The following RBPMS variants were observed in gnomAD, a reference collection of about 807,000 sequenced individuals.
RBPMS encodes the protein RNA-binding protein with multiple splicing.
In RBPMS, 7 loss-of-function variants were observed where a neutral mutation model predicts 26.8. The observed-to-expected ratio is 0.26, with a 90% CI of 0.15 to 0.49. The LOEUF (loss-of-function observed/expected upper bound fraction) is 0.49, where lower values mean the gene tolerates loss of function less well. Among genes scored for constraint, RBPMS ranks in the 20% least tolerant of loss-of-function variants. RBPMS has a pLI of 0.98. For missense variants in RBPMS, 186 were observed against 250.0 expected, an observed-to-expected ratio of 0.74 and a Z score of 1.73; for synonymous variants, 96 against 93.3, an observed-to-expected ratio of 1.03 and a Z score of -0.17.
intron 1 of RBPMS, among the ~76,000 whole-genome samples, chr8:30,408,726 C>T (rs941001886): frequency 6.6e-6 from 1 of 152,082 alleles, no homozygotes; most frequent in African/African-American, 2.4e-5. Flanking sequence ...TCTTAAAATT[C>T]GAGTTAAAAA....
Position 30,437,286 on chromosome 8 carries a change from T to C in RBPMS, c.67-37493T>C, listed in dbSNP as rs188529588. 1.3e-3 allele frequency among the ~76,000 whole-genome samples: 203 copies of C among 152,252 alleles called. 2 individuals are homozygous for C. The highest frequency in any genetic ancestry group is 8.9e-3 in the East Asian group (46 of 5,168). On this transcript the variant is annotated intron_variant, in intron 1 of 8. Coordinates refer to ENST00000397323, the MANE Select transcript of RBPMS (RefSeq NM_001008710.3). ...AGTCAAAATGTTAAAATTGATCTTA[T>C]CAGAGCCTGCCACTTGGAAAAATAA... is the stretch of plus-strand genomic sequence containing the variant.
intron 1 of RBPMS, among the ~76,000 whole-genome samples, chr8:30,390,008 T>G (rs1327254600): frequency 6.6e-6 from 1 of 152,172 alleles, no homozygotes; most frequent in Non-Finnish European, 1.5e-5. Flanking sequence ...GTTGTAATAT[T>G]AAATGAAAAG....
intron 7 of RBPMS, chr8:30,562,205 C>T (rs545388223): frequency 4.8e-6 from 1 of 208,028 alleles, no homozygotes; most frequent in South Asian, 1.7e-4. Flanking sequence ...GTGGTGGGCG[C>T]CTGTAATCCC....
chr8:30,425,606 G>A (rs533451251), intron 1 of RBPMS, among the ~76,000 whole-genome samples: 1 of 151,614 alleles, frequency 6.6e-6, no homozygotes, highest in Non-Finnish European at 1.5e-5. Context: ...CTCCATGTTG[G>A]CCAGGCTGGT....
intron 5 of RBPMS, among the ~76,000 whole-genome samples, chr8:30,526,073 G>C (rs892563061): frequency 6.6e-6 from 1 of 152,224 alleles, no homozygotes; most frequent in African/African-American, 2.4e-5. Context: ...AATGAGAAGA[G>C]CTTCACTTCC....
At chr8:30,484,560 TC>T (rs1484031249) in intron 4 of RBPMS, among the ~76,000 whole-genome samples, 2 of 152,168 alleles carry the variant, frequency 1.3e-5, no homozygotes, top group Non-Finnish European at 2.9e-5. Context: ...CACTCAGACT[TC>T]CATTGCAAAG....
intron 1 of RBPMS, chr8:30,447,098 C>CA (rs1415395272): frequency 6.6e-6 from 1 of 152,106 alleles, no homozygotes; most frequent in Admixed American, 6.5e-5. Flanking sequence ...AAGTTGCAGG[C>CA]ATCACTTCTG....
chr8:30,562,529 G>A (rs995669324), intron 7 of RBPMS, among the ~76,000 whole-genome samples: 6 of 152,050 alleles, frequency 3.9e-5, no homozygotes, highest in East Asian at 1.9e-4. Context: ...AGCTCAGTGC[G>A]GATCTATTAT....
chr8:30,477,192 A>G (rs937892128), intron 2 of RBPMS, among the ~76,000 whole-genome samples: 2 of 152,118 alleles, frequency 1.3e-5, no homozygotes, highest in Non-Finnish European at 2.9e-5. Flanking sequence ...AGCTGGGACT[A>G]CAGGCACCCA....
At chr8:30,502,708 T>G (rs1401841923) in intron 4 of RBPMS, among the ~76,000 whole-genome samples, 3 of 152,174 alleles carry the variant, frequency 2.0e-5, no homozygotes, top group South Asian at 2.1e-4. Context: ...AAATATTAAT[T>G]CTGTTGTAAT....
intron 1 of RBPMS, among the ~76,000 whole-genome samples, chr8:30,449,098 T>C (rs151226316): frequency 1.8e-3 from 274 of 152,328 alleles, no homozygotes; most frequent in Non-Finnish European, 2.7e-3. Context: ...ACCTTGCTAA[T>C]TGCACATTGT....
chr8:30,412,115 T>C (rs1236072312), intron 1 of RBPMS, among the ~76,000 whole-genome samples: 1 of 152,340 alleles, frequency 6.6e-6, no homozygotes, highest in East Asian at 1.9e-4. Context: ...ACATGGTGCC[T>C]ACTAGGAAGG....
intron 6 of RBPMS, among the ~76,000 whole-genome samples, chr8:30,549,804 T>TCTCTCCCC (rs1383466717): frequency 0.019 from 1,918 of 102,420 alleles, 41 homozygotes; most frequent in East Asian, 0.036. Flanking sequence ...CTCCCCTCTC[T>TCTCTCCCC]CCTCTCTCTC....
intron 4 of RBPMS, among the ~76,000 whole-genome samples, chr8:30,486,930 A>G (rs191129813): frequency 2.7e-4 from 41 of 152,322 alleles, no homozygotes; most frequent in Admixed American, 9.1e-4. Flanking sequence ...TTTAAAACTC[A>G]TGCCATTTAA....
At chr8:30,548,510 ATTTCT>A (rs1826041690) in intron 6 of RBPMS, among the ~76,000 whole-genome samples, 1 of 152,194 alleles carries the variant, frequency 6.6e-6, no homozygotes, top group African/African-American at 2.4e-5. Flanking sequence ...GTTCTATCGG[ATTTCT>A]AATAGGGCTG....
rs1053155872 is a variant in RBPMS at position 30,549,673 on chromosome 8, C to T, written c.528+5049C>T. On this transcript the variant is annotated intron_variant, in intron 6 of 8. Transcript: ENST00000397323. ...GGCCTCATGCTCACAGCGCCAGCCT[C>T]CTGTGAGAGTGGGCTGGGTCTCCTT... 52 of 951,370 alleles carry T rather than the reference C, an allele frequency of 5.5e-5. No homozygotes were observed. The Middle Eastern group carries it at 1.1e-3, about 20-fold the overall frequency. The allele number at this position is 951,370 out of a possible 1,614,324, so 58.9% of individuals were successfully genotyped here.
At chr8:30,557,014 T>G (rs915560446) in intron 6 of RBPMS, among the ~76,000 whole-genome samples, 5 of 152,164 alleles carry the variant, frequency 3.3e-5, no homozygotes, top group African/African-American at 7.2e-5. Context: ...CAATGAGTGT[T>G]GGGAGTGACC....
intron 1 of RBPMS, among the ~76,000 whole-genome samples, chr8:30,462,201 G>T (rs1446984059): frequency 6.6e-6 from 1 of 152,078 alleles, no homozygotes; most frequent in African/African-American, 2.4e-5. Context: ...TTCTAGTGTG[G>T]TTGTACCTTT....
At chr8:30,460,073 T>G (rs2150775834) in intron 1 of RBPMS, among the ~76,000 whole-genome samples, 1 of 152,292 alleles carries the variant, frequency 6.6e-6, no homozygotes, top group Middle Eastern at 3.4e-3. Flanking sequence ...CATAATTAGG[T>G]GGTTATCAGA....
Sources: allele counts gnomAD v4.1 joint callset (sites outside exome capture counted in the v4.1 genomes callset), GRCh38; gene constraint gnomAD v4.1.1; transcripts MANE v1.5; gene names NCBI Gene and HGNC (gene_info 2026-07-23, HGNC 2026-07-21).